ZNF875: variants seen among roughly 807,000 people sequenced by gnomAD.
ZNF875 encodes zinc finger protein 875.
ZNF875 carries 14 observed loss-of-function variants against 11.2 expected under a neutral mutation model. The observed-to-expected ratio is 1.26, with a 90% CI of 0.83 to 1.96. The LOEUF (loss-of-function observed/expected upper bound fraction) is 1.96. ZNF875 is among the 30% of genes most tolerant of loss of function. The pLI, the probability that ZNF875 is intolerant of heterozygous loss-of-function variation, is 0.00. For missense variants in ZNF875, 752 were observed against 760.4 expected (o/e 0.99, Z 0.13); for synonymous variants, 301 against 281.1 (o/e 1.07, Z -0.71).
Position 37,350,799 on chromosome 19 carries a change from CTT to C in ZNF875, c.256+2948_256+2949del, listed in dbSNP as rs61142979. Among the ~76,000 whole-genome samples, 6 of 91,240 alleles carry C rather than the reference CTT, an allele frequency of 6.6e-5. No individual in the cohort carries two copies. The South Asian group carries it at 1.3e-3, about 20-fold the overall frequency. 59.9% of individuals were successfully genotyped at this position (91,240 alleles called of 152,430 possible). On this transcript the variant is annotated intron_variant, in intron 4 of 4. Coordinates refer to ENST00000392153, the MANE Select transcript of ZNF875 (RefSeq NM_001353803.2). ...TTCCCCATCACTATAATTCTTTTTG[CTT>C]TTTTTTTTTTTTTTTTTTTTGAGAC... is the stretch of plus-strand genomic sequence containing the variant.
At chr19:37,341,012 T>C (rs1184617859) in intron 2 of ZNF875, among the ~76,000 whole-genome samples, 1 of 152,080 alleles carries the variant, frequency 6.6e-6, no homozygotes, top group East Asian at 1.9e-4. Flanking sequence ...AGGAGAAAAA[T>C]AAAAGTAGGT....
chr19:37,322,180 A>T (rs2145686765), intron 1 of ZNF875: 1 of 152,192 alleles, frequency 6.6e-6, no homozygotes, highest in African/African-American at 2.4e-5. Context: ...TTCTCACCTC[A>T]ATAGGAATCA....
At chr19:37,316,164 CA>C (rs1285286662), upstream of ZNF875, among the ~76,000 whole-genome samples, 1 of 152,174 alleles carries the variant, frequency 6.6e-6, no homozygotes, top group Non-Finnish European at 1.5e-5. Flanking sequence ...AAAATGCCTG[CA>C]AAACACTGAC....
upstream of ZNF875, among the ~76,000 whole-genome samples, chr19:37,317,429 C>A (rs988546006): frequency 6.6e-6 from 1 of 152,200 alleles, no homozygotes; most frequent in Non-Finnish European, 1.5e-5. Flanking sequence ...CCGCATCCGC[C>A]TCCCAAAGTG....
At chr19:37,358,207 C>T (rs746203676) in intron 4 of ZNF875, among the ~76,000 whole-genome samples, 10 of 138,902 alleles carry the variant, frequency 7.2e-5, no homozygotes, top group South Asian at 6.8e-4. Context: ...TGCAGTGGCG[C>T]GATCTCGGCT....
At chr19:37,349,964 C>CTTT (rs34941573) in intron 4 of ZNF875, among the ~76,000 whole-genome samples, 2 of 77,544 alleles carry the variant, frequency 2.6e-5, no homozygotes, top group Admixed American at 1.4e-4. Flanking sequence ...CCCCACTGGC[C>CTTT]TTTTTTTTTT....
At chr19:37,333,785 CA>C (rs372842608), upstream of ZNF875, among the ~76,000 whole-genome samples, 4 of 151,642 alleles carry the variant, frequency 2.6e-5, no homozygotes, top group East Asian at 1.9e-4. Context: ...AAAGGGTCAC[CA>C]AAAAAACTCA....
chr19:37,349,810 A>G (rs2037490391), intron 4 of ZNF875, among the ~76,000 whole-genome samples: 1 of 151,768 alleles, frequency 6.6e-6, no homozygotes, highest in Non-Finnish European at 1.5e-5. Flanking sequence ...GTGTGCCACC[A>G]TGCCTGGCTG....
chr19:37,344,471 C>T (rs1189537772), intron 2 of ZNF875: 5 of 511,542 alleles, frequency 9.8e-6, no homozygotes, highest in Non-Finnish European at 1.8e-5. Flanking sequence ...AATCTGTGCC[C>T]ATGTTTCTGA....
upstream of ZNF875, among the ~76,000 whole-genome samples, chr19:37,314,123 AT>A (rs1485115249): frequency 1.5e-4 from 23 of 151,822 alleles, no homozygotes; most frequent in Non-Finnish European, 1.5e-4. Context: ...ATTAAAAAAA[AT>A]TTTTTTTAGA....
chr19:37,349,565 T>C (rs1295705019), intron 4 of ZNF875, among the ~76,000 whole-genome samples: 1 of 152,208 alleles, frequency 6.6e-6, no homozygotes, highest in Non-Finnish European at 1.5e-5. Flanking sequence ...TTGCTTTTCT[T>C]CTTGTTGATT....
chr19:37,331,404 AAG>A (rs1395476033), upstream of ZNF875, among the ~76,000 whole-genome samples: 2 of 151,756 alleles, frequency 1.3e-5, no homozygotes, highest in Non-Finnish European at 2.9e-5. Flanking sequence ...GGGGAAAAGC[AAG>A]AGAGATCAGA....
At chr19:37,317,180 T>TA (rs2030274949), upstream of ZNF875, 1 of 9,178 alleles carries the variant, frequency 1.1e-4, no homozygotes, top group Non-Finnish European at 2.0e-4. Flanking sequence ...ACTAACCTGG[T>TA]TTTTTTTTTT....
chr19:37,326,341 C>T (rs923688667), intron 4 of ZNF875, among the ~76,000 whole-genome samples: 1 of 152,146 alleles, frequency 6.6e-6, no homozygotes, highest in South Asian at 2.1e-4. Flanking sequence ...TTCCCATCTA[C>T]CCCACACCCC....
chr19:37,362,849 T>C lies in ZNF875; in HGVS notation c.997T>C (p.Ser333Pro), dbSNP rs1043715536. 1.9e-6 allele frequency: 3 copies of C among 1,613,856 alleles called. No individual in the cohort carries two copies. Among genetic ancestry groups the C allele is most frequent in the Admixed American group, 3.3e-5 (2 of 59,990 alleles). Residue 333 changes from serine (S) to proline (P), a missense_variant, in exon 5 of 5, where the codon TCA becomes CCA. Ser to Pro is a moderately conservative substitution (Grantham distance 74, BLOSUM62 -1). Transcript: ENST00000392153. ...SNLFTHQRTH[S>P]GLKPYVCKEC... ...CCTCTTTACACATCAGCGGACACAC[T>C]CAGGGCTCAAGCCTTATGTGTGCAA...
exon 1 of ZNF875, chr19:37,317,982 C>T (rs1173611991): frequency 6.4e-6 from 1 of 155,690 alleles, no homozygotes; most frequent in African/African-American, 2.4e-5. Context: ...CGGCCAAGCG[C>T]CCACCGGACG....
At position 37,340,802 on chromosome 19, in the gene ZNF875, C is replaced by T. The variant is rs2035561084; in HGVS notation, c.33+5545C>T. On this transcript the variant is annotated intron_variant, in intron 2 of 4. Coordinates refer to ENST00000392153, the MANE Select transcript of ZNF875 (RefSeq NM_001353803.2). ...TAGCTGGGACTACAGGTGCCGACCA[C>T]CACGCCCGGCTAATTTTTTGTATTG... 2.0e-5 allele frequency among the ~76,000 whole-genome samples: 3 copies of T among 151,960 alleles called. No individual in the cohort carries two copies. In the South Asian group the frequency reaches 6.2e-4, roughly 32 times the overall value.
At chr19:37,320,299 G>A (rs1380738228) in intron 1 of ZNF875, among the ~76,000 whole-genome samples, 1 of 152,150 alleles carries the variant, frequency 6.6e-6, no homozygotes, top group Non-Finnish European at 1.5e-5. Flanking sequence ...TTGAATACAG[G>A]CTGTAGAGCC....
intron 1 of ZNF875, among the ~76,000 whole-genome samples, chr19:37,320,015 G>A (rs1170041573): frequency 6.6e-6 from 1 of 152,168 alleles, no homozygotes; most frequent in Non-Finnish European, 1.5e-5. Flanking sequence ...GCCTCTCCCA[G>A]TAGCTGGGAC....
Sources: gnomAD v4.1 joint callset for allele counts (sites outside exome capture counted in the v4.1 genomes callset) on GRCh38, gnomAD v4.1.1 for gene constraint, MANE v1.5 for transcripts, NCBI Gene and HGNC (gene_info 2026-07-23, HGNC 2026-07-21) for gene names.